The following DNAJC5 variants were observed in gnomAD, a reference collection of about 807,000 sequenced individuals.
DNAJC5 encodes the protein dnaJ homolog subfamily C member 5.
A neutral mutation model predicts 23.2 loss-of-function variants in DNAJC5; 1 was observed. The observed-to-expected ratio is 0.04, with a 90% CI of 0.02 to 0.20. DNAJC5 has a LOEUF of 0.20. Ranked by LOEUF, DNAJC5 falls within the 10% of genes least tolerant of loss-of-function variation. DNAJC5 has a pLI of 1.00. For missense variants in DNAJC5, 180 were observed against 267.0 expected (o/e 0.67, Z 2.27); for synonymous variants, 136 against 120.0 (o/e 1.13, Z -0.87).
intron 1 of DNAJC5, among the ~76,000 whole-genome samples, chr20:63,910,311 G>A (rs1405605965): frequency 6.6e-6 from 1 of 152,126 alleles, no homozygotes; most frequent in Non-Finnish European, 1.5e-5. Flanking sequence ...TTGGGAGGCG[G>A]GGGTGGGCAG....
At chr20:63,930,599 G>A (rs536135678) in intron 3 of DNAJC5, among the ~76,000 whole-genome samples, 4 of 152,286 alleles carry the variant, frequency 2.6e-5, no homozygotes, top group East Asian at 1.9e-4. Context: ...CGCCAGCCTC[G>A]GCCTCCTGGA....
At position 63,932,275 on chromosome 20, in the gene DNAJC5, C is replaced by T. The variant is rs570221664; in HGVS notation, c.*707C>T. The T allele has an allele frequency of 6.5e-6, 1 of 153,022 alleles. No homozygotes were observed. Among genetic ancestry groups the T allele is most frequent in the Non-Finnish European group, 1.5e-5 (1 of 68,716 alleles). 9.5% of individuals were successfully genotyped at this position (153,022 alleles called of 1,614,324 possible). A position where few individuals can be genotyped will look rare whatever the true frequency, so the allele number is the denominator to read the frequency against. ...CTTCCGAGGTTGACACCGTGTCCTCCGCGGTGTTTCTCGCCTGGTCGTCTC... is the reference window on the plus strand; with the variant it reads ...CTTCCGAGGTTGACACCGTGTCCTCTGCGGTGTTTCTCGCCTGGTCGTCTC... On this transcript the variant is annotated 3_prime_UTR_variant, in exon 5 of 5. Transcript: ENST00000360864. The surrounding 1 kb of genome is among the most constrained non-coding windows in gnomAD (Gnocchi z 4.4).
Position 63,928,402 on chromosome 20 carries a change from C to T in DNAJC5, c.57C>T (p.Val19=). 1.9e-6 allele frequency: 3 copies of T among 1,614,086 alleles called. No individual in the cohort carries two copies. The highest frequency in any genetic ancestry group is 2.5e-6 in the Non-Finnish European group (3 of 1,180,030). ...LSTSGESLYH[V]LGLDKNATSD... Reference sequence around the variant, plus strand: ...CCTCTGGGGAGTCATTGTACCACGTCCTTGGGTTGGACAAGAACGCAACCT... The same window carrying T: ...CCTCTGGGGAGTCATTGTACCACGTTCTTGGGTTGGACAAGAACGCAACCT... The change falls in exon 2 of 5, where the codon GTC becomes GTT. Residue 19 remains valine, a synonymous_variant. Coordinates refer to ENST00000360864, the MANE Select transcript of DNAJC5 (RefSeq NM_025219.3). The surrounding 1 kb of genome is among the most constrained non-coding windows in gnomAD (Gnocchi z 4.6).
intron 1 of DNAJC5, among the ~76,000 whole-genome samples, chr20:63,912,150 A>G (rs1223854250): frequency 1.3e-5 from 2 of 152,120 alleles, no homozygotes; most frequent in Non-Finnish European, 2.9e-5. Flanking sequence ...TAACAATACA[A>G]AAATTATCTG....
At chr20:63,901,544 G>A (rs2053412372) in intron 1 of DNAJC5, among the ~76,000 whole-genome samples, 1 of 152,242 alleles carries the variant, frequency 6.6e-6, no homozygotes, top group Non-Finnish European at 1.5e-5. Flanking sequence ...GCGTCCGCGC[G>A]CTCCACATCA....
In DNAJC5 at chr20:63,929,236, G is replaced by A. The variant is rs574686857; in HGVS notation, c.108-76G>A. On this transcript the variant is annotated intron_variant, in intron 2 of 4. Transcript: ENST00000360864. The surrounding 1 kb of genome is among the most constrained non-coding windows in gnomAD (Gnocchi z 8.6). ...TTCCACTGCACCCGGCAGTGCGTGCGGGTGGGATGGACGCGGCGGCGGGTG... is the reference window on the plus strand; with the variant it reads ...TTCCACTGCACCCGGCAGTGCGTGCAGGTGGGATGGACGCGGCGGCGGGTG... The A allele has an allele frequency of 1.5e-4, 233 of 1,526,638 alleles. No homozygotes were observed. Among genetic ancestry groups the A allele is most frequent in the African/African-American group, 9.8e-4 (71 of 72,614 alleles). The allele number at this position is 1,526,638 out of a possible 1,614,324, so 94.6% of individuals were successfully genotyped here.
chr20:63,933,786 A>G lies in DNAJC5; in HGVS notation c.*2218A>G, dbSNP rs142121195. On this transcript the variant is annotated 3_prime_UTR_variant, in exon 5 of 5. Coordinates refer to ENST00000360864, the MANE Select transcript of DNAJC5 (RefSeq NM_025219.3). Reference sequence around the variant, plus strand: ...TAGAAAGCTGCCCATCGGGGGCCCTAGCTCAGCCCCACCAGGCCCTCTGTT... The same window carrying G: ...TAGAAAGCTGCCCATCGGGGGCCCTGGCTCAGCCCCACCAGGCCCTCTGTT... 184 of 152,504 alleles carry G rather than the reference A, an allele frequency of 1.2e-3. No individual in the cohort carries two copies. Among genetic ancestry groups the G allele is most frequent in the South Asian group, 4.1e-3 (20 of 4,830 alleles). The allele number at this position is 152,504 out of a possible 1,614,324, so 9.4% of individuals were successfully genotyped here. A position where few individuals can be genotyped will look rare whatever the true frequency, so the allele number is the denominator to read the frequency against.
chr20:63,931,943 AGGG>A lies in DNAJC5; in HGVS notation c.*379_*381del, dbSNP rs1211947544. On this transcript the variant is annotated 3_prime_UTR_variant, in exon 5 of 5. Transcript: ENST00000360864. This position sits in a 1 kb window ranked among gnomAD's most constrained non-coding sequence, Gnocchi z 9.6. The stretch of plus-strand genomic sequence containing the variant: ...GCAGCCGGTCAGGTGGGCGAGGAGA[AGGG>A]GGGCTGCCCCTTTCCTACCTGTGCT... 2.8e-6 allele frequency: 1 copy of A among 359,144 alleles called. No homozygotes were observed. Among genetic ancestry groups the A allele is most frequent in the Non-Finnish European group, 5.4e-6 (1 of 184,638 alleles). The allele number at this position is 359,144 out of a possible 1,614,324, so 22.2% of individuals were successfully genotyped here.
chr20:63,930,747 C>A (rs2053662000), intron 3 of DNAJC5, 104 bp from the exon 4 acceptor site: 1 of 1,573,320 alleles, frequency 6.4e-7, no homozygotes, highest in African/African-American at 1.3e-5. Flanking sequence ...AGTATCCCCA[C>A]CTGGAACGCA....
intron 1 of DNAJC5, among the ~76,000 whole-genome samples, chr20:63,918,750 A>G (rs1026460530): frequency 2.0e-5 from 3 of 151,984 alleles, no homozygotes; most frequent in Non-Finnish European, 2.9e-5. Context: ...GCCCACCACC[A>G]TGCCTGGCTA....
At chr20:63,913,251 C>T (rs2053494827) in intron 1 of DNAJC5, among the ~76,000 whole-genome samples, 1 of 152,088 alleles carries the variant, frequency 6.6e-6, no homozygotes. Flanking sequence ...CCTTAGGTGA[C>T]TTGTCTTTGC....
At chr20:63,914,344 T>A (rs1296017151) in intron 1 of DNAJC5, among the ~76,000 whole-genome samples, 1 of 152,226 alleles carries the variant, frequency 6.6e-6, no homozygotes, top group Non-Finnish European at 1.5e-5. Context: ...AGACGGAGTC[T>A]TGCTCTGTTG....
chr20:63,905,589 C>T (rs1326187274), intron 1 of DNAJC5, among the ~76,000 whole-genome samples: 2 of 146,532 alleles, frequency 1.4e-5, no homozygotes, highest in African/African-American at 2.5e-5. Flanking sequence ...TTTTTTTTCA[C>T]GGAGTCTGGC....
At chr20:63,923,838 A>G (rs2053590614) in intron 1 of DNAJC5, among the ~76,000 whole-genome samples, 1 of 152,230 alleles carries the variant, frequency 6.6e-6, no homozygotes, top group Non-Finnish European at 1.5e-5. Flanking sequence ...CTACACTCTC[A>G]CTGCCTCCAA....
At chr20:63,914,518 G>A (rs1006542313) in intron 1 of DNAJC5, among the ~76,000 whole-genome samples, 2 of 151,716 alleles carry the variant, frequency 1.3e-5, no homozygotes, top group African/African-American at 2.4e-5. Context: ...GGGGTTTCAC[G>A]ACGTTACCCA....
At chr20:63,915,816 G>A (rs1035108138) in intron 1 of DNAJC5, among the ~76,000 whole-genome samples, 16 of 152,216 alleles carry the variant, frequency 1.1e-4, no homozygotes, top group Non-Finnish European at 1.5e-5. Context: ...TTGTGCTGAA[G>A]GACAAGGTTT....
Position 63,931,097 on chromosome 20 carries a change from C to G in DNAJC5, c.493+75C>G. Reference sequence around the variant, plus strand: ...TGGGCCCTGAATGGTGTCAACCTGTCTTGTCAAACAGGAGGGCACTGACAC... The same window carrying G: ...TGGGCCCTGAATGGTGTCAACCTGTGTTGTCAAACAGGAGGGCACTGACAC... On this transcript the variant is annotated intron_variant, in intron 4 of 4. Transcript: ENST00000360864. The surrounding 1 kb of genome is among the most constrained non-coding windows in gnomAD (Gnocchi z 9.6). The G allele has an allele frequency of 6.7e-7, 1 of 1,491,874 alleles. No individual in the cohort carries two copies. Among genetic ancestry groups the G allele is most frequent in the Non-Finnish European group, 9.3e-7 (1 of 1,081,014 alleles). 92.4% of individuals were successfully genotyped at this position (1,491,874 alleles called of 1,614,324 possible). A position where few individuals can be genotyped will look rare whatever the true frequency, so the allele number is the denominator to read the frequency against.
rs186985502 is a variant in DNAJC5 at position 63,906,145 on chromosome 20, A to G, written c.-12+10822A>G. Among the ~76,000 whole-genome samples, 4 of 152,284 alleles carry G rather than the reference A, an allele frequency of 2.6e-5. No individual in the cohort carries two copies. The East Asian group carries it at 7.7e-4, about 29-fold the overall frequency. On this transcript the variant is annotated intron_variant, in intron 1 of 4. Transcript: ENST00000360864. Reference sequence around the variant, plus strand: ...TTAAAATATAGCCAATAAAACATGTATTAAGCTTTGTAAACTTTGTCTATA... The same window carrying G: ...TTAAAATATAGCCAATAAAACATGTGTTAAGCTTTGTAAACTTTGTCTATA...
chr20:63,912,585 C>A (rs1475350899), intron 1 of DNAJC5, among the ~76,000 whole-genome samples: 1 of 152,136 alleles, frequency 6.6e-6, no homozygotes, highest in Non-Finnish European at 1.5e-5. Context: ...GTCTGAGTAT[C>A]CTTTGGCAGT....
Sources: gnomAD v4.1 joint callset for allele counts (sites outside exome capture counted in the v4.1 genomes callset) on GRCh38, gnomAD v4.1.1 for gene constraint, Gnocchi (gnomAD v3.1) non-coding constraint, MANE v1.5 for transcripts, NCBI Gene and HGNC (gene_info 2026-07-23, HGNC 2026-07-21) for gene names.